CPM: variants seen among roughly 807,000 people sequenced by gnomAD.
The protein encoded by CPM is carboxypeptidase M, also known as renal carboxypeptidase.
A neutral mutation model predicts 46.4 loss-of-function variants in CPM; 35 were observed. The ratio of observed to expected loss-of-function variants is 0.75; its 90% confidence interval spans 0.58 to 1.00. The LOEUF (loss-of-function observed/expected upper bound fraction) is 1.00. Among genes scored for constraint, CPM ranks in the 50% least tolerant of loss-of-function variants. The pLI is 0.00. For synonymous variants in CPM, 195 were observed against 195.3 expected, an observed-to-expected ratio of 1.00 and a Z score of 0.01; for missense variants, 422 against 530.4, an observed-to-expected ratio of 0.80 and a Z score of 2.01.
intron 2 of CPM, among the ~76,000 whole-genome samples, chr12:68,922,556 C>T (rs143369128): frequency 5.3e-5 from 8 of 151,766 alleles, no homozygotes; most frequent in Admixed American, 6.6e-5. Flanking sequence ...TCTTCAACTC[C>T]GGGTAAGTGC....
intron 2 of CPM, among the ~76,000 whole-genome samples, chr12:68,917,180 C>T (rs944115834): frequency 6.6e-6 from 1 of 151,460 alleles, no homozygotes; most frequent in Non-Finnish European, 1.5e-5. Flanking sequence ...GGCCTTTGAA[C>T]GTGCTATTTA....
At chr12:68,925,628 CAGG>C (rs1888226733) in intron 2 of CPM, among the ~76,000 whole-genome samples, 1 of 152,174 alleles carries the variant, frequency 6.6e-6, no homozygotes, top group South Asian at 2.1e-4. Context: ...ATATTTGACT[CAGG>C]GGGGTAAAAA....
chr12:68,846,412 C>A (rs1315536081), downstream of CPM: 2 of 152,086 alleles, frequency 1.3e-5, no homozygotes, highest in Non-Finnish European at 2.9e-5. Flanking sequence ...TAAATTTATT[C>A]CATTTATTTT....
At chr12:68,850,008 G>C (rs991779148), downstream of CPM, 2 of 152,412 alleles carry the variant, frequency 1.3e-5, no homozygotes, top group Admixed American at 6.5e-5. Context: ...CCTTGGCTGG[G>C]GGGTGATGGC....
intron 2 of CPM, among the ~76,000 whole-genome samples, chr12:68,924,405 T>C (rs1161859471): frequency 6.6e-6 from 1 of 151,142 alleles, no homozygotes. Flanking sequence ...GAGCATTGCT[T>C]GAACCCAGGA....
chr12:68,916,056 G>A (rs989738596), intron 2 of CPM, among the ~76,000 whole-genome samples: 4 of 152,164 alleles, frequency 2.6e-5, no homozygotes, highest in African/African-American at 7.2e-5. Context: ...TAGAAAATGA[G>A]ACCAGGTTAC....
chr12:68,901,620 T>C (rs1341449595), intron 2 of CPM, among the ~76,000 whole-genome samples: 1 of 152,240 alleles, frequency 6.6e-6, no homozygotes, highest in Non-Finnish European at 1.5e-5. Flanking sequence ...TCATTGAGAC[T>C]TCTGGTCACT....
chr12:68,916,920 G>A (rs912599174), intron 2 of CPM, among the ~76,000 whole-genome samples: 2 of 150,664 alleles, frequency 1.3e-5, no homozygotes, highest in African/African-American at 4.9e-5. Flanking sequence ...GAGAGAGAGA[G>A]AGAATCTCTG....
At chr12:68,920,405 T>C (rs1887985446) in intron 2 of CPM, among the ~76,000 whole-genome samples, 1 of 152,110 alleles carries the variant, frequency 6.6e-6, no homozygotes. Context: ...AGAGTGACTA[T>C]CCCCGTGAAA....
chr12:68,960,935 G>T (rs962044160), intron 1 of CPM, among the ~76,000 whole-genome samples: 1 of 152,162 alleles, frequency 6.6e-6, no homozygotes, highest in African/African-American at 2.4e-5. Flanking sequence ...TAACAACTGA[G>T]AGTTGATTTT....
chr12:68,947,979 C>T (rs561186536), intron 1 of CPM, among the ~76,000 whole-genome samples: 1 of 152,288 alleles, frequency 6.6e-6, no homozygotes, highest in African/African-American at 2.4e-5. Context: ...AGCAAACTCT[C>T]AAGATCCAAA....
chr12:68,846,986 T>G (rs1039346589), downstream of CPM: 5 of 151,394 alleles, frequency 3.3e-5, no homozygotes, highest in Non-Finnish European at 5.9e-5. Flanking sequence ...CCTTGAAGTT[T>G]TTTATTTGTT....
chr12:68,915,477 A>G (rs963721869), intron 2 of CPM, among the ~76,000 whole-genome samples: 4 of 151,972 alleles, frequency 2.6e-5, no homozygotes, highest in African/African-American at 9.7e-5. Flanking sequence ...AATTCCTACC[A>G]CCTCCATCTC....
At chr12:68,934,114 C>T (rs1322600201), upstream of CPM, among the ~76,000 whole-genome samples, 1 of 152,070 alleles carries the variant, frequency 6.6e-6, no homozygotes, top group Admixed American at 6.6e-5. Flanking sequence ...CCCTCCCCCT[C>T]TCCCCTTCCC....
intron 1 of CPM, among the ~76,000 whole-genome samples, chr12:68,941,303 A>C (rs1014591895): frequency 6.6e-6 from 1 of 152,090 alleles, no homozygotes; most frequent in African/African-American, 2.4e-5. Flanking sequence ...AGTGTGAGTG[A>C]AGCATCAAAT....
chr12:68,886,523 T>C lies in CPM; in HGVS notation c.161-634A>G, dbSNP rs536542353. Among the ~76,000 whole-genome samples, 357 of 152,170 alleles carry C rather than the reference T, an allele frequency of 2.3e-3. 2 individuals carry two copies. Among genetic ancestry groups the C allele is most frequent in the African/African-American group, 8.3e-3 (345 of 41,518 alleles). ...GGCGGGCGCCTGTAGTCCCAGCTACTCGGGAGGCTGAGGCAGGAGAATGGT... is the reference window on the plus strand; with the variant it reads ...GGCGGGCGCCTGTAGTCCCAGCTACCCGGGAGGCTGAGGCAGGAGAATGGT... On this transcript the variant is annotated intron_variant, in intron 2 of 8. Transcript: ENST00000551568.
intron 2 of CPM, among the ~76,000 whole-genome samples, chr12:68,917,181 G>A (rs978512069): frequency 4.6e-5 from 7 of 151,264 alleles, no homozygotes; most frequent in East Asian, 2.0e-4. Context: ...GCCTTTGAAC[G>A]TGCTATTTAT....
In CPM at chr12:68,885,788, G is replaced by A. The variant is rs370288058; in HGVS notation, c.258+4C>T. 296 of 1,611,208 alleles carry A rather than the reference G, an allele frequency of 1.8e-4. No homozygotes were observed. Among genetic ancestry groups the A allele is most frequent in the Middle Eastern group, 9.9e-4 (6 of 6,058 alleles). ...CATTTCAGAAATTCAAGCCACATAC[G>A]TACCTCATCTCCATGCATATTTGCC... On this transcript the variant is annotated splice_donor_region_variant and intron_variant, in intron 3 of 8. Transcript: ENST00000551568.
intron 1 of CPM, among the ~76,000 whole-genome samples, chr12:68,955,408 G>A (rs184362851): frequency 6.6e-6 from 1 of 152,294 alleles, no homozygotes; most frequent in African/African-American, 2.4e-5. Context: ...GGGTGTCACA[G>A]CCCTGGGTTC....
Sources: gnomAD v4.1 joint callset for allele counts (sites outside exome capture counted in the v4.1 genomes callset) on GRCh38, gnomAD v4.1.1 for gene constraint, MANE v1.5 for transcripts, NCBI Gene and HGNC (gene_info 2026-07-23, HGNC 2026-07-21) for gene names.